The following RBFOX1 variants were observed in gnomAD, a reference collection of about 807,000 sequenced individuals.
RBFOX1 encodes the protein RNA binding fox-1 homolog 1, also known as RNA binding protein fox-1 homolog 1.
Under a neutral mutation model 57.7 loss-of-function variants are expected in RBFOX1, and 8 were observed. That is an observed-to-expected ratio of 0.14 (90% CI 0.08 to 0.25). The LOEUF is 0.25. Among genes scored for constraint, RBFOX1 ranks in the 10% least tolerant of loss-of-function variants. The pLI is 1.00. For missense variants in RBFOX1, 611 were observed against 548.5 expected, an observed-to-expected ratio of 1.11 and a Z score of -1.14; for synonymous variants, 326 against 222.4, an observed-to-expected ratio of 1.47 and a Z score of -4.15.
chr16:6,901,478 C>T (rs1230056108), intron 3 of RBFOX1, among the ~76,000 whole-genome samples: 2 of 152,162 alleles, frequency 1.3e-5, no homozygotes, highest in African/African-American at 4.8e-5. Flanking sequence ...TACGACTCTT[C>T]CTTAGCCCAT....
At chr16:5,708,522 A>AT (rs1294139134) in intron 3 of RBFOX1, among the ~76,000 whole-genome samples, 1 of 152,068 alleles carries the variant, frequency 6.6e-6, no homozygotes, top group Non-Finnish European at 1.5e-5. Context: ...CATCTCTTTG[A>AT]TTTTTTGCGT....
At chr16:5,288,236 A>C (rs986688940) in intron 1 of RBFOX1, among the ~76,000 whole-genome samples, 1 of 152,112 alleles carries the variant, frequency 6.6e-6, no homozygotes, top group African/African-American at 2.4e-5. Context: ...GAATTGTTGA[A>C]TATATATATA....
chr16:5,567,768 C>T (rs923112972), intron 2 of RBFOX1, among the ~76,000 whole-genome samples: 1 of 151,944 alleles, frequency 6.6e-6, no homozygotes, highest in Non-Finnish European at 1.5e-5. Context: ...ATTGTCGTCA[C>T]CGTCACCTAT....
At chr16:7,229,756 G>A (rs111208328) in intron 4 of RBFOX1, among the ~76,000 whole-genome samples, 7,796 of 62,232 alleles carry the variant, frequency 0.13, 1,239 homozygotes, top group East Asian at 0.37. Flanking sequence ...GGAAGGGAGA[G>A]AGAGGGAGGA....
At chr16:6,357,071 C>T (rs2087467111) in intron 2 of RBFOX1, among the ~76,000 whole-genome samples, 1 of 152,018 alleles carries the variant, frequency 6.6e-6, no homozygotes, top group African/African-American at 2.4e-5. Flanking sequence ...CAGTATTTGG[C>T]CAAGGGAAGC....
chr16:7,313,195 T>C (rs1460035201), intron 4 of RBFOX1, among the ~76,000 whole-genome samples: 1 of 152,218 alleles, frequency 6.6e-6, no homozygotes, highest in Non-Finnish European at 1.5e-5. Context: ...TTGTCTCTGC[T>C]TAAACTCGTT....
intron 3 of RBFOX1, among the ~76,000 whole-genome samples, chr16:6,935,391 A>G (rs114355488): frequency 0.016 from 2,476 of 152,262 alleles, 63 homozygotes; most frequent in African/African-American, 0.056. Context: ...ACACAATACC[A>G]TGTGACTTCC....
chr16:6,662,508 C>G (rs926266586), intron 3 of RBFOX1, among the ~76,000 whole-genome samples: 1 of 152,100 alleles, frequency 6.6e-6, no homozygotes, highest in African/African-American at 2.4e-5. Flanking sequence ...TGTTGAAACA[C>G]TTAGATTAGA....
chr16:5,989,258 G>C (rs1421860898), intron 4 of RBFOX1, among the ~76,000 whole-genome samples: 1 of 152,086 alleles, frequency 6.6e-6, no homozygotes, highest in Non-Finnish European at 1.5e-5. Flanking sequence ...GTGAACCCGG[G>C]AGGCGGAGTT....
chr16:5,982,383 C>G (rs375117649), intron 4 of RBFOX1, among the ~76,000 whole-genome samples: 3 of 151,948 alleles, frequency 2.0e-5, no homozygotes, highest in Admixed American at 1.3e-4. Context: ...AAGCAGTTTT[C>G]CCTTCCTCAG....
At chr16:7,591,365 C>A (rs182546530) in intron 7 of RBFOX1, among the ~76,000 whole-genome samples, 1 of 152,006 alleles carries the variant, frequency 6.6e-6, no homozygotes, top group East Asian at 1.9e-4. Flanking sequence ...AAAATCAGTA[C>A]CTTCATCCAT....
rs747960592 is a variant in RBFOX1, at chr16:5,424,974, C to CT, written c.220-42239dup. 2.4e-4 allele frequency among the ~76,000 whole-genome samples: 17 copies of CT among 70,682 alleles called. 2 individuals carry two copies. Among genetic ancestry groups the CT allele is most frequent in the African/African-American group, 3.0e-4 (5 of 16,528 alleles). 46.4% of individuals were successfully genotyped at this position (70,682 alleles called of 152,430 possible). A position where few individuals can be genotyped will look rare whatever the true frequency, so the allele number is the denominator to read the frequency against. ...TTCCTTTGTTTCTTTCTCTTTCTTTCTTTCTTTTCTTTTCTTTTCTTTTCT... is the reference window on the plus strand; with the variant it reads ...TTCCTTTGTTTCTTTCTCTTTCTTTCTTTTCTTTTCTTTTCTTTTCTTTTCT... On this transcript the variant is annotated intron_variant, in intron 1 of 2. Transcript: ENST00000585867.
chr16:5,644,600 G>T (rs1367063883), intron 3 of RBFOX1, among the ~76,000 whole-genome samples: 1 of 152,206 alleles, frequency 6.6e-6, no homozygotes, highest in Non-Finnish European at 1.5e-5. Flanking sequence ...GTGTCAGGCT[G>T]GGAGACACAA....
intron 3 of RBFOX1, among the ~76,000 whole-genome samples, chr16:6,683,264 G>C (rs2058942981): frequency 6.6e-6 from 1 of 152,248 alleles, no homozygotes; most frequent in Middle Eastern, 3.4e-3. Context: ...CAGTGCAGAG[G>C]TCAAATTTTT....
Position 6,987,197 on chromosome 16 carries a change from G to A in RBFOX1, c.-15-64860G>A, listed in dbSNP as rs926138294. On this transcript the variant is annotated intron_variant, in intron 3 of 15. Transcript: ENST00000550418. ...GGACTGAAGTGTTTTGCCAAGTCTT[G>A]ATTACCCATAATAACAAGAATGAAA... Among the ~76,000 whole-genome samples the A allele has an allele frequency of 2.0e-5, 3 of 152,042 alleles. 1 individual carries two copies. The highest frequency in any genetic ancestry group is 3.9e-4 in the East Asian group (2 of 5,194).
chr16:6,350,841 G>A (rs2086229840), intron 2 of RBFOX1, among the ~76,000 whole-genome samples: 2 of 152,168 alleles, frequency 1.3e-5, no homozygotes, highest in Non-Finnish European at 1.5e-5. Flanking sequence ...GCTCACAAGT[G>A]GATGCATGGG....
intron 5 of RBFOX1, among the ~76,000 whole-genome samples, chr16:7,571,544 A>G (rs919585372): frequency 6.6e-6 from 1 of 152,218 alleles, no homozygotes; most frequent in Non-Finnish European, 1.5e-5. Flanking sequence ...TCAGGAGATT[A>G]AAGTGCCAGT....
At chr16:5,892,661 T>C (rs1266436253) in intron 4 of RBFOX1, among the ~76,000 whole-genome samples, 1 of 152,154 alleles carries the variant, frequency 6.6e-6, no homozygotes, top group Admixed American at 6.5e-5. Context: ...AAGATCAAAT[T>C]CACCCTGCTA....
chr16:5,503,738 C>A (rs1192604140), intron 2 of RBFOX1, among the ~76,000 whole-genome samples: 2 of 152,196 alleles, frequency 1.3e-5, no homozygotes, highest in Non-Finnish European at 2.9e-5. Flanking sequence ...GCCACCATAC[C>A]TGGCCAAGAC....
Sources: gnomAD v4.1 joint callset for allele counts (sites outside exome capture counted in the v4.1 genomes callset) on GRCh38, gnomAD v4.1.1 for gene constraint, MANE v1.5 for transcripts, NCBI Gene and HGNC (gene_info 2026-07-23, HGNC 2026-07-21) for gene names.